Variants in GRM5 observed in about 807,000 individuals in gnomAD.
GRM5 encodes the protein metabotropic glutamate receptor 5.
GRM5 carries 19 observed loss-of-function variants against 83.1 expected under a neutral mutation model. That is an observed-to-expected ratio of 0.23 (90% confidence interval 0.16 to 0.34). The LOEUF (loss-of-function observed/expected upper bound fraction) is 0.34. GRM5 is among the 10% of genes least tolerant of loss of function. GRM5 has a pLI of 1.00. For missense variants in GRM5, 1,160 were observed against 1,588.3 expected, an observed-to-expected ratio of 0.73 and a Z score of 4.58; for synonymous variants, 675 against 633.6, an observed-to-expected ratio of 1.07 and a Z score of -0.98.
chr11:88,598,293 T>C (rs1247210326), intron 5 of GRM5, among the ~76,000 whole-genome samples: 1 of 152,156 alleles, frequency 6.6e-6, no homozygotes, highest in Non-Finnish European at 1.5e-5. Flanking sequence ...ATGTTCTCGC[T>C]TTTGGATTCA....
intron 3 of GRM5, among the ~76,000 whole-genome samples, chr11:88,725,199 G>A (rs1487801990): frequency 6.6e-6 from 1 of 152,118 alleles, no homozygotes; most frequent in African/African-American, 2.4e-5. Context: ...TTTGGTGGGG[G>A]GAGAGGTGTC....
At chr11:89,002,009 T>C (rs1940397207) in intron 2 of GRM5, among the ~76,000 whole-genome samples, 1 of 152,158 alleles carries the variant, frequency 6.6e-6, no homozygotes, top group Non-Finnish European at 1.5e-5. Flanking sequence ...ATGTGAGCTA[T>C]TTTCTCCCCC....
intron 2 of GRM5, among the ~76,000 whole-genome samples, chr11:88,890,536 G>A (rs1463112410): frequency 6.6e-6 from 1 of 152,082 alleles, no homozygotes; most frequent in Non-Finnish European, 1.5e-5. Flanking sequence ...AATCAAATAT[G>A]TTTTAGTTCA....
intron 3 of GRM5, among the ~76,000 whole-genome samples, chr11:88,716,278 GAAGGTTTA>G (rs1220676161): frequency 6.6e-6 from 1 of 151,898 alleles, no homozygotes; most frequent in Admixed American, 6.6e-5. Context: ...AGTAGGCCAG[GAAGGTTTA>G]AATGAGTGCA....
intron 2 of GRM5, among the ~76,000 whole-genome samples, chr11:88,857,728 T>C (rs549497046): frequency 6.6e-6 from 1 of 152,134 alleles, no homozygotes; most frequent in Non-Finnish European, 1.5e-5. Context: ...AATGCAGATA[T>C]TTCTTTCACA....
intron 2 of GRM5, among the ~76,000 whole-genome samples, chr11:88,873,063 C>T (rs1944796278): frequency 6.6e-6 from 1 of 151,404 alleles, no homozygotes; most frequent in Non-Finnish European, 1.5e-5. Context: ...GCAGGAGTAG[C>T]TATACTTACA....
In GRM5 at chr11:88,794,494, A is replaced by T. The variant is rs553923212; in HGVS notation, c.911+55412T>A. Among the ~76,000 whole-genome samples the T allele has an allele frequency of 4.3e-4, 65 of 152,232 alleles. 1 individual carries two copies. The highest frequency in any genetic ancestry group is 3.2e-3 in the Admixed American group (49 of 15,280). ...AATAAATTATGTGTTTTTATTTTTT[A>T]AAAAAATATTCTGTTAGACATTTAG... On this transcript the variant is annotated intron_variant, in intron 3 of 9. Coordinates refer to ENST00000305447, the MANE Select transcript of GRM5 (RefSeq NM_001143831.3).
In GRM5 at chr11:88,507,460, A is replaced by G. The variant is rs1293020055; in HGVS notation, c.*1132T>C. 1 of 152,226 alleles carries G rather than the reference A, an allele frequency of 6.6e-6. No individual in the cohort carries two copies. The highest frequency in any genetic ancestry group is 2.4e-5 in the African/African-American group (1 of 41,448). 9.4% of individuals were successfully genotyped at this position (152,226 alleles called of 1,614,324 possible). On this transcript the variant is annotated 3_prime_UTR_variant, in exon 10 of 10. Coordinates refer to ENST00000305447, the MANE Select transcript of GRM5 (RefSeq NM_001143831.3). ...TTGACACAGTTAAAATTTTCAGTGT[A>G]TTAAGATTGTGTTAATCCTTTCAAC...
intron 3 of GRM5, among the ~76,000 whole-genome samples, chr11:88,718,617 TC>T (rs1460057859): frequency 6.6e-6 from 1 of 151,984 alleles, no homozygotes; most frequent in Admixed American, 6.6e-5. Flanking sequence ...CATCTTTTAA[TC>T]CTTTGTTCAA....
intron 2 of GRM5, among the ~76,000 whole-genome samples, chr11:89,037,808 A>G (rs1018168580): frequency 4.6e-5 from 7 of 152,158 alleles, no homozygotes; most frequent in African/African-American, 1.7e-4. Flanking sequence ...TATCGGTTAC[A>G]TTTCTCTAGA....
intron 3 of GRM5, among the ~76,000 whole-genome samples, chr11:88,773,033 C>T (rs1246218636): frequency 6.6e-6 from 1 of 152,214 alleles, no homozygotes; most frequent in African/African-American, 2.4e-5. Context: ...ACACTGTCTT[C>T]CACAATGGTG....
chr11:88,812,460 T>G (rs1488155844), intron 3 of GRM5, among the ~76,000 whole-genome samples: 7 of 152,188 alleles, frequency 4.6e-5, no homozygotes, highest in Admixed American at 3.9e-4. Flanking sequence ...ATTATTTGCT[T>G]AGGATTGCCC....
chr11:88,847,697 T>C (rs1590908820), intron 3 of GRM5, among the ~76,000 whole-genome samples: 1 of 152,234 alleles, frequency 6.6e-6, no homozygotes, highest in East Asian at 1.9e-4. Context: ...TGAACTGATG[T>C]TCAAGTAAAT....
rs1374081171 is a variant in GRM5 at position 88,506,663 on chromosome 11, T to C, written c.*1929A>G. 4 of 152,208 alleles carry C rather than the reference T, an allele frequency of 2.6e-5. No individual in the cohort carries two copies. Among genetic ancestry groups the C allele is most frequent in the Non-Finnish European group, 5.9e-5 (4 of 68,028 alleles). 9.4% of individuals were successfully genotyped at this position (152,208 alleles called of 1,614,324 possible). ...AAATTAATACTTTAGTACATTAATG[T>C]TAGCTTTTAATGTTTTGTATTGGGA... On this transcript the variant is annotated 3_prime_UTR_variant, in exon 10 of 10. Coordinates refer to ENST00000305447, the MANE Select transcript of GRM5 (RefSeq NM_001143831.3).
chr11:88,940,100 T>C (rs907869657), intron 2 of GRM5, among the ~76,000 whole-genome samples: 3 of 152,042 alleles, frequency 2.0e-5, no homozygotes, highest in Admixed American at 6.6e-5. Flanking sequence ...AACGTCAGGG[T>C]TCTTAACACA....
In GRM5 at chr11:88,629,510, T is replaced by C. The variant is rs183606169; in HGVS notation, c.1147+23658A>G. Among the ~76,000 whole-genome samples the C allele has an allele frequency of 3.3e-3, 504 of 152,276 alleles. 2 individuals are homozygous for C. The highest frequency in any genetic ancestry group is 0.012 in the African/African-American group (485 of 41,564). ...AGGTAGAGGGTTTTGGGAATTAGAATGCCTTCTTTATTGATCACGGACAAA... is the reference window on the plus strand; with the variant it reads ...AGGTAGAGGGTTTTGGGAATTAGAACGCCTTCTTTATTGATCACGGACAAA... On this transcript the variant is annotated intron_variant, in intron 4 of 9. Coordinates refer to ENST00000305447, the MANE Select transcript of GRM5 (RefSeq NM_001143831.3).
chr11:88,787,131 A>ATGTGTGTG (rs57116541), intron 3 of GRM5, among the ~76,000 whole-genome samples: 80 of 143,442 alleles, frequency 5.6e-4, no homozygotes, highest in African/African-American at 1.4e-3. Context: ...ATATGATATG[A>ATGTGTGTG]TGTGTGTGTG....
At chr11:88,744,686 A>G (rs570914567) in intron 3 of GRM5, among the ~76,000 whole-genome samples, 2 of 152,300 alleles carry the variant, frequency 1.3e-5, no homozygotes, top group African/African-American at 4.8e-5. Context: ...GCCTTCCTAA[A>G]AAGAAAATAA....
rs536873361 is a variant in GRM5, at chr11:88,547,992, GGGGAA to G, written c.2630+19056_2630+19060del. ...ATCTACAAAATGCCTTGTGGGAGGTGGGGAAGGGAAGGAGTTGGGACATAGAAGGT... is the reference window on the plus strand; with the variant it reads ...ATCTACAAAATGCCTTGTGGGAGGTGGGGAAGGAGTTGGGACATAGAAGGT... On this transcript the variant is annotated intron_variant, in intron 8 of 9. Transcript: ENST00000305447. Among the ~76,000 whole-genome samples, 512 of 152,276 alleles carry G rather than the reference GGGGAA, an allele frequency of 3.4e-3. 2 individuals are homozygous for G. The highest frequency in any genetic ancestry group is 5.8e-3 in the Admixed American group (88 of 15,294).
Sources: gnomAD v4.1 joint callset for allele counts (sites outside exome capture counted in the v4.1 genomes callset) on GRCh38, gnomAD v4.1.1 for gene constraint, MANE v1.5 for transcripts, NCBI Gene and HGNC (gene_info 2026-07-23, HGNC 2026-07-21) for gene names.